Variants in AAK1 observed in about 807,000 individuals in gnomAD.
AAK1 encodes the protein AP2 associated kinase 1, also known as AP2-associated protein kinase 1.
Under a neutral mutation model 116.0 loss-of-function variants are expected in AAK1, and 37 were observed. That is an observed-to-expected ratio of 0.32 (90% CI 0.25 to 0.42). The LOEUF is 0.42. AAK1 is among the 10% of genes least tolerant of loss of function. AAK1 has a pLI of 1.00. For missense variants in AAK1, 919 were observed against 1,170.6 expected (o/e 0.79, Z 3.14); for synonymous variants, 458 against 439.9 (o/e 1.04, Z -0.51).
intron 17 of AAK1, among the ~76,000 whole-genome samples, chr2:69,484,981 T>C (rs921562059): frequency 1.3e-5 from 2 of 152,188 alleles, no homozygotes; most frequent in South Asian, 4.2e-4. Context: ...AGTATACAAG[T>C]GTAATTATAT....
At chr2:69,550,376 C>G (rs976670801) in intron 3 of AAK1, among the ~76,000 whole-genome samples, 2 of 152,162 alleles carry the variant, frequency 1.3e-5, no homozygotes, top group Admixed American at 6.5e-5. Flanking sequence ...GCAATCTCAG[C>G]TCACTGCACC....
intron 4 of AAK1, among the ~76,000 whole-genome samples, 166 bp from the exon 5 acceptor site, chr2:69,542,831 G>T (rs774920165): frequency 1.3e-5 from 2 of 152,048 alleles, no homozygotes; most frequent in Non-Finnish European, 2.9e-5. Context: ...TCCCAGCTTG[G>T]GATTTGTTTT....
intron 16 of AAK1, among the ~76,000 whole-genome samples, chr2:69,500,983 G>A (rs533427446): frequency 1.7e-4 from 26 of 151,974 alleles, no homozygotes; most frequent in Non-Finnish European, 2.6e-4. Flanking sequence ...CATTCAACAC[G>A]TCTGTATGGA....
intron 17 of AAK1, among the ~76,000 whole-genome samples, chr2:69,489,756 G>A (rs1183035396): frequency 6.6e-6 from 1 of 152,160 alleles, no homozygotes; most frequent in Non-Finnish European, 1.5e-5. Context: ...ATGAAATCTA[G>A]TCACTCTAAA....
chr2:69,514,262 C>T (rs1022191182), intron 13 of AAK1, among the ~76,000 whole-genome samples: 1 of 152,156 alleles, frequency 6.6e-6, no homozygotes, highest in African/African-American at 2.4e-5. Context: ...CATCAGTAGC[C>T]TAGAATCCTT....
intron 2 of AAK1, among the ~76,000 whole-genome samples, chr2:69,585,752 G>C (rs896000423): frequency 1.3e-5 from 2 of 152,202 alleles, no homozygotes; most frequent in African/African-American, 4.8e-5. Context: ...ACTAGGAAAA[G>C]AGGATGACCT....
At chr2:69,518,549 G>A (rs902555818) in intron 12 of AAK1, among the ~76,000 whole-genome samples, 1 of 151,748 alleles carries the variant, frequency 6.6e-6, no homozygotes, top group African/African-American at 2.4e-5. Flanking sequence ...TTCCCAAGTA[G>A]CTGGGACGAC....
intron 2 of AAK1, among the ~76,000 whole-genome samples, chr2:69,626,262 T>A (rs1350068635): frequency 2.0e-5 from 3 of 151,596 alleles, no homozygotes; most frequent in Admixed American, 1.3e-4. Flanking sequence ...AATAATACAA[T>A]TATTATTAAG....
At chr2:69,511,988 GA>G (rs1676412260) in intron 13 of AAK1, among the ~76,000 whole-genome samples, 1 of 152,152 alleles carries the variant, frequency 6.6e-6, no homozygotes, top group Non-Finnish European at 1.5e-5. Flanking sequence ...AGGGACCTTA[GA>G]AAATGCAGAT....
At chr2:69,517,263 G>A (rs1041379089) in intron 12 of AAK1, among the ~76,000 whole-genome samples, 1 of 152,112 alleles carries the variant, frequency 6.6e-6, no homozygotes, top group African/African-American at 2.4e-5. Flanking sequence ...GTACCTCAGG[G>A]TAGCTAAAGA....
At position 69,473,532 on chromosome 2, in the gene AAK1, C is replaced by T; in HGVS notation, c.*2337G>A. The T allele has an allele frequency of 1.0e-6, 1 of 985,428 alleles. No homozygotes were observed. Among genetic ancestry groups the T allele is most frequent in the East Asian group, 1.1e-4 (1 of 8,822 alleles). 61.0% of individuals were successfully genotyped at this position (985,428 alleles called of 1,614,324 possible). On this transcript the variant is annotated 3_prime_UTR_variant, in exon 22 of 22. Coordinates refer to ENST00000409085, the MANE Select transcript of AAK1 (RefSeq NM_014911.5). ...ATCTCCCTTAGGCTTCTACTGCCGTCTCTGGCTTCTAGTCTGCTCATTTTC... is the reference window on the plus strand; with the variant it reads ...ATCTCCCTTAGGCTTCTACTGCCGTTTCTGGCTTCTAGTCTGCTCATTTTC...
chr2:69,640,992 A>G (rs1416808378), intron 2 of AAK1, among the ~76,000 whole-genome samples: 2 of 152,196 alleles, frequency 1.3e-5, no homozygotes, highest in Non-Finnish European at 2.9e-5. Context: ...CAACTCCATA[A>G]ACTGTTGAAT....
At chr2:69,611,244 A>G (rs1250080170) in intron 2 of AAK1, among the ~76,000 whole-genome samples, 1 of 152,204 alleles carries the variant, frequency 6.6e-6, no homozygotes, top group Admixed American at 6.5e-5. Context: ...GGGGATAAAT[A>G]GCCTGCAGAG....
intron 17 of AAK1, among the ~76,000 whole-genome samples, chr2:69,491,840 C>G (rs899121248): frequency 3.3e-5 from 5 of 152,218 alleles, no homozygotes; most frequent in African/African-American, 9.6e-5. Context: ...GATTTGACCA[C>G]AATCACCTAG....
intron 1 of AAK1, 81 bp from the exon 2 acceptor site, chr2:69,643,355 A>C (rs1239146659): frequency 6.6e-6 from 8 of 1,212,930 alleles, no homozygotes; most frequent in Non-Finnish European, 8.3e-6. Flanking sequence ...GGGGAGCAAA[A>C]GCCATCATCC....
At position 69,507,405 on chromosome 2, in the gene AAK1, GAC is replaced by G. The variant is rs1558919290; in HGVS notation, c.2164+14_2164+15del. 2.4e-5 allele frequency: 39 copies of G among 1,608,634 alleles called. No individual in the cohort carries two copies. Among genetic ancestry groups the G allele is most frequent in the Non-Finnish European group, 3.2e-5 (38 of 1,177,542 alleles). The stretch of plus-strand genomic sequence containing the variant: ...TCTATAATCAAGAAGCACAAAAAAA[GAC>G]ACAGCTTACTCACCTTCCCCAAGCT... On this transcript the variant is annotated intron_variant, in intron 15 of 21. Transcript: ENST00000409085.
intron 16 of AAK1, among the ~76,000 whole-genome samples, chr2:69,505,135 C>CCACACA (rs10585161): frequency 1.4e-5 from 2 of 139,676 alleles, no homozygotes; most frequent in Admixed American, 1.5e-4. Flanking sequence ...GCACACACAC[C>CCACACA]CACACACACA....
chr2:69,508,359 C>A (rs115028021), intron 14 of AAK1, among the ~76,000 whole-genome samples: 1 of 152,196 alleles, frequency 6.6e-6, no homozygotes, highest in Admixed American at 6.5e-5. Flanking sequence ...ACAGTTACCA[C>A]TACTTTGTGC....
intron 2 of AAK1, chr2:69,595,003 T>C (rs1673203880): frequency 1.8e-5 from 14 of 769,776 alleles, no homozygotes; most frequent in Admixed American, 6.8e-5. Flanking sequence ...CTTTGTGGGG[T>C]TGGTGCTTGC....
Sources: allele counts gnomAD v4.1 joint callset (sites outside exome capture counted in the v4.1 genomes callset), GRCh38; gene constraint gnomAD v4.1.1; transcripts MANE v1.5; gene names NCBI Gene and HGNC (gene_info 2026-07-23, HGNC 2026-07-21).